POLG2: variants seen among roughly 807,000 people sequenced by gnomAD.
The protein encoded by POLG2 is DNA polymerase subunit gamma-2.
In POLG2, 50 loss-of-function variants were observed where a neutral mutation model predicts 56.5. The observed-to-expected ratio is 0.88, with a 90% CI of 0.71 to 1.12. The LOEUF is 1.12. Among genes scored for constraint, POLG2 ranks in the 50% most tolerant of loss-of-function variants. The probability of loss-of-function intolerance (pLI) is 0.00; values close to 1 mark genes in which losing one functional copy is unlikely to be tolerated. For missense variants in POLG2, 584 were observed against 583.3 expected, an observed-to-expected ratio of 1.00 and a Z score of -0.01; for synonymous variants, 226 against 222.6, an observed-to-expected ratio of 1.02 and a Z score of -0.14.
chr17:64,479,769 A>AT (rs2037827532), intron 7 of POLG2, among the ~76,000 whole-genome samples: 2 of 152,194 alleles, frequency 1.3e-5, no homozygotes, highest in Non-Finnish European at 2.9e-5. Flanking sequence ...AAGCAAGCTG[A>AT]CAGCATTTGA....
intron 7 of POLG2, among the ~76,000 whole-genome samples, chr17:64,479,786 AC>A (rs1370084659): frequency 1.3e-5 from 2 of 152,166 alleles, no homozygotes; most frequent in African/African-American, 4.8e-5. Context: ...TTGATGATAG[AC>A]TGGATGTAGA....
At chr17:64,496,349 A>C in intron 1 of POLG2, 58 bp downstream of exon 1, 1 of 1,142,374 alleles carries the variant, frequency 8.8e-7, no homozygotes, top group Non-Finnish European at 1.3e-6. Flanking sequence ...AGATCCAGCA[A>C]GACTGCCTCG....
chr17:64,496,857 T>C lies in POLG2; in HGVS notation c.112A>G (p.Ser38Gly). The C allele has an allele frequency of 1.2e-6, 2 of 1,613,768 alleles. No homozygotes were observed. Among genetic ancestry groups the C allele is most frequent in the Middle Eastern group, 1.6e-4 (1 of 6,062 alleles). Residue 38 changes from serine (S) to glycine (G), a missense_variant, in exon 1 of 8, where the codon AGC (serine) becomes GGC (glycine). By Grantham distance (56) the Ser-to-Gly change is moderately conservative (BLOSUM62 0). Transcript: ENST00000539111. The part of the protein sequence containing the change: ...GQPELLTERS[S>G]PKGGHVKSHA... ...GACTTCACATGCCCTCCTTTGGGGCTACTCCTTTCCGTCAACAGCTCCGGC... is the reference window on the plus strand; with the variant it reads ...GACTTCACATGCCCTCCTTTGGGGCCACTCCTTTCCGTCAACAGCTCCGGC...
chr17:64,497,042 A>T lies in POLG2; in HGVS notation c.-74T>A. 6.9e-7 allele frequency: 1 copy of T among 1,459,382 alleles called. No individual in the cohort carries two copies. Among genetic ancestry groups the T allele is most frequent in the South Asian group, 1.1e-5 (1 of 87,636 alleles). 90.4% of individuals were successfully genotyped at this position (1,459,382 alleles called of 1,614,324 possible). ...AACAAGCCACCACTACCGTTAACAG[A>T]ATCCGGAGAGGCCACGGCGCAGGCG... is the stretch of plus-strand genomic sequence containing the variant. On this transcript the variant is annotated 5_prime_UTR_variant, in exon 1 of 8. Transcript: ENST00000539111.
chr17:64,482,327 CTTT>C, intron 6 of POLG2, among the ~76,000 whole-genome samples: 1 of 128,566 alleles, frequency 7.8e-6, no homozygotes, highest in Non-Finnish European at 1.7e-5. Flanking sequence ...AAATTAAAAA[CTTT>C]TTTTTTTTTT....
At chr17:64,483,769 G>A (rs1193821322) in intron 5 of POLG2, among the ~76,000 whole-genome samples, 1 of 148,988 alleles carries the variant, frequency 6.7e-6, no homozygotes, top group East Asian at 2.0e-4. Flanking sequence ...AGGCTAGAAT[G>A]CTCCACTCAC....
In POLG2 at chr17:64,492,728, G is replaced by A. The variant is rs61751984; in HGVS notation, c.734C>T (p.Pro245Leu). The A allele has an allele frequency of 1.7e-4, 275 of 1,613,000 alleles. No individual in the cohort carries two copies. The highest frequency in any genetic ancestry group is 3.3e-4 in the Middle Eastern group (2 of 6,084). ...TEASLVWFTP[P>L]RTSNQWLDFW... ...ATCAAGCCACTGGTTTGAAGTTCTC[G>A]GAGGAGTAAACCATACTAACGAAGC... is the stretch of plus-strand genomic sequence containing the variant. Residue 245 changes from proline to leucine, a missense_variant, in exon 3 of 8, where the codon CCG becomes CTG. By Grantham distance (98) the Pro-to-Leu change is moderately conservative. Transcript: ENST00000539111.
intron 7 of POLG2, among the ~76,000 whole-genome samples, chr17:64,478,417 T>C (rs577716995): frequency 2.0e-5 from 3 of 152,336 alleles, no homozygotes; most frequent in African/African-American, 7.2e-5. Context: ...GTTTCCTTTA[T>C]TGAGTAGCTA....
chr17:64,488,050 T>C (rs1272755614), intron 4 of POLG2, among the ~76,000 whole-genome samples: 3 of 151,826 alleles, frequency 2.0e-5, no homozygotes, highest in African/African-American at 7.3e-5. Flanking sequence ...AACCATAAAA[T>C]CAACTAAAAA....
intron 4 of POLG2, among the ~76,000 whole-genome samples, chr17:64,488,191 C>T (rs1277948909): frequency 6.6e-6 from 1 of 151,988 alleles, no homozygotes; most frequent in Non-Finnish European, 1.5e-5. Context: ...CAGCGAGACC[C>T]CATCTCTATT....
intron 6 of POLG2, chr17:64,481,335 G>A (rs1393718486): frequency 2.0e-6 from 2 of 985,206 alleles, no homozygotes; most frequent in African/African-American, 3.5e-5. Context: ...ACAAAAGCCA[G>A]GGTCAGAAAG....
At chr17:64,479,877 C>T (rs764699190) in intron 7 of POLG2, among the ~76,000 whole-genome samples, 1 of 152,182 alleles carries the variant, frequency 6.6e-6, no homozygotes, top group Non-Finnish European at 1.5e-5. Context: ...GTGCCAATCC[C>T]TTAGAAGACT....
intron 4 of POLG2, among the ~76,000 whole-genome samples, chr17:64,487,749 C>G (rs1555667753): frequency 6.6e-6 from 1 of 152,154 alleles, no homozygotes. Context: ...CTCCTGTAAT[C>G]CTAGCACTTT....
chr17:64,496,923 A>C lies in POLG2; in HGVS notation c.46T>G (p.Cys16Gly). 1 of 1,611,750 alleles carries C rather than the reference A, an allele frequency of 6.2e-7. No individual in the cohort carries two copies. Among genetic ancestry groups the C allele is most frequent in the Non-Finnish European group, 8.5e-7 (1 of 1,180,004 alleles). ...CGACCCCCAAACCCAGACAACAGGC[A>C]CCTGCAGACCTTATGGCAGGCCCTG... ...AVRACHKVCR[C>G]LLSGFGGRVD... Residue 16 changes from cysteine to glycine, a missense_variant, in exon 1 of 8, where the codon TGC (cysteine) becomes GGC (glycine). Coordinates refer to ENST00000539111, the MANE Select transcript of POLG2 (RefSeq NM_007215.4).
At chr17:64,490,156 C>A (rs139692364) in intron 4 of POLG2, among the ~76,000 whole-genome samples, 6,412 of 152,194 alleles carry the variant, frequency 0.042, 325 homozygotes, top group African/African-American at 0.12. Context: ...ATCTCTTGAC[C>A]TCATGATCCT....
At chr17:64,488,440 C>A (rs180965338) in intron 4 of POLG2, among the ~76,000 whole-genome samples, 1 of 152,202 alleles carries the variant, frequency 6.6e-6, no homozygotes, top group East Asian at 1.9e-4. Context: ...TGGTAGTTCA[C>A]ACCTGTAATC....
In POLG2 at chr17:64,492,937, T is replaced by A; in HGVS notation, c.647A>T (p.His216Leu). 1.9e-6 allele frequency: 3 copies of A among 1,614,102 alleles called. No homozygotes were observed. Among genetic ancestry groups the A allele is most frequent in the Non-Finnish European group, 2.5e-6 (3 of 1,179,966 alleles). ...YGLAQIGVCF[H>L]PVFDTKQIRN... The stretch of plus-strand genomic sequence containing the variant: ...TATCTGCTTAGTGTCAAAAACAGGA[T>A]GAAAACACACTCCAATCTGAGCAAG... Residue 216 changes from histidine (H) to leucine (L), a missense_variant, in exon 2 of 8, where the codon CAT becomes CTT. Physicochemically the swap from His to Leu is moderately conservative, Grantham distance 99. Coordinates refer to ENST00000539111, the MANE Select transcript of POLG2 (RefSeq NM_007215.4).
rs1555668848 is a variant in POLG2 at position 64,492,975 on chromosome 17, C to A, written c.609G>T (p.Arg203Ser). 6.2e-7 allele frequency: 1 copy of A among 1,613,918 alleles called. No individual in the cohort carries two copies. The highest frequency in any genetic ancestry group is 8.5e-7 in the Non-Finnish European group (1 of 1,179,824). The change falls in exon 2 of 8, where the codon AGG (arginine) becomes AGT (serine). Residue 203 changes from arginine (R) to serine (S), a missense_variant. By Grantham distance (110) the Arg-to-Ser change is moderately radical. Coordinates refer to ENST00000539111, the MANE Select transcript of POLG2 (RefSeq NM_007215.4). ...YVNCLDLVNK[R>S]LPYGLAQIGV... ...CAATCTGAGCAAGGCCATAAGGTAGCCTCTTGTTTACCAGATCCAGGCAAT... is the reference window on the plus strand; with the variant it reads ...CAATCTGAGCAAGGCCATAAGGTAGACTCTTGTTTACCAGATCCAGGCAAT...
chr17:64,482,939 G>T lies in POLG2; in HGVS notation c.1171C>A (p.Pro391Thr), dbSNP rs782162309. The change falls in exon 6 of 8, where the codon CCC (proline) becomes ACC (threonine). Residue 391 changes from proline (P) to threonine (T), a missense_variant. Physicochemically the swap from Pro to Thr is conservative, Grantham distance 38. Coordinates refer to ENST00000539111, the MANE Select transcript of POLG2 (RefSeq NM_007215.4). Reference protein sequence around the residue: ...IKVALDVGRGPTLELRQVCQG... With the variant: ...IKVALDVGRGTTLELRQVCQG... ...CTCACCTGTCTTAGTTCCAATGTGGGGCCTCTTCCTACATCCAAAGCAACC... is the reference window on the plus strand; with the variant it reads ...CTCACCTGTCTTAGTTCCAATGTGGTGCCTCTTCCTACATCCAAAGCAACC... The T allele has an allele frequency of 1.4e-5, 22 of 1,598,050 alleles. No individual in the cohort carries two copies. Among genetic ancestry groups the T allele is most frequent in the Non-Finnish European group, 1.9e-5 (22 of 1,165,786 alleles).
Sources: allele counts gnomAD v4.1 joint callset (sites outside exome capture counted in the v4.1 genomes callset), GRCh38; gene constraint gnomAD v4.1.1; transcripts MANE v1.5; gene names NCBI Gene and HGNC (gene_info 2026-07-23, HGNC 2026-07-21).